LOXL1: variants seen among roughly 807,000 people sequenced by gnomAD.
The protein encoded by LOXL1 is lysyl oxidase homolog 1.
In LOXL1, 31 loss-of-function variants were observed where a neutral mutation model predicts 62.2. The ratio of observed to expected loss-of-function variants is 0.50; its 90% CI spans 0.37 to 0.67. The LOEUF (loss-of-function observed/expected upper bound fraction) is 0.67. Ranked by LOEUF, LOXL1 falls within the 30% of genes least tolerant of loss-of-function variation. The pLI, the probability that LOXL1 is intolerant of heterozygous loss-of-function variation, is 0.00. For missense variants in LOXL1, 775 were observed against 843.4 expected (o/e 0.92, Z 1.00); for synonymous variants, 403 against 384.4 (o/e 1.05, Z -0.56).
At position 73,928,869 on chromosome 15, in the gene LOXL1, G is replaced by GA. The variant is rs5813730; in HGVS notation, c.1102+999dup. ...ACCCCCTAAAATTTTGCACCCCGAG[G>GA]AAAAAAAAAAAAAAACACCTCACTG... On this transcript the variant is annotated intron_variant, in intron 1 of 6. Transcript: ENST00000261921. 1.7e-3 allele frequency among the ~76,000 whole-genome samples: 228 copies of GA among 137,462 alleles called. 1 individual carries two copies. The highest frequency in any genetic ancestry group is 0.012 in the Middle Eastern group (3 of 260). 90.2% of individuals were successfully genotyped at this position (137,462 alleles called of 152,430 possible). A position where few individuals can be genotyped will look rare whatever the true frequency, so the allele number is the denominator to read the frequency against.
At chr15:73,929,811 A>T (rs2141621512) in intron 1 of LOXL1, among the ~76,000 whole-genome samples, 1 of 152,344 alleles carries the variant, frequency 6.6e-6, no homozygotes, top group African/African-American at 2.4e-5. Flanking sequence ...GCTCAGCCTG[A>T]TGGGCCCCAC....
rs966349644 is a variant in LOXL1, at chr15:73,946,474, C to T, written c.1269C>T (p.Pro423=). 4.3e-6 allele frequency: 7 copies of T among 1,612,854 alleles called. No homozygotes were observed. The highest frequency in any genetic ancestry group is 1.3e-5 in the African/African-American group (1 of 74,890). ...DYDVRVLLRF[P]QRVKNQGTAD... The stretch of plus-strand genomic sequence containing the variant: ...ATGTGCGGGTGCTACTGCGCTTCCC[C>T]CAGCGCGTGAAGAACCAGGGCACAG... The change falls in exon 3 of 7, where the codon CCC becomes CCT. Residue 423 remains proline (P), a synonymous_variant. Transcript: ENST00000261921.
rs2068585809 is a variant in LOXL1 at position 73,927,089 on chromosome 15, G to A, written c.306G>A (p.Leu102=). The change falls in exon 1 of 7, where the codon CTG becomes CTA. Residue 102 remains leucine (L), a synonymous_variant. Transcript: ENST00000261921. The part of the protein sequence containing the change: ...PRRRQAPSLP[L]PGRVGSDTVR... ...GTCGGCAGGCGCCGTCCCTGCCCCT[G>A]CCGGGGCGCGTGGGCTCGGACACCG... The A allele has an allele frequency of 2.3e-6, 3 of 1,301,990 alleles. No homozygotes were observed. The highest frequency in any genetic ancestry group is 2.5e-5 in the South Asian group (1 of 39,418). 80.7% of individuals were successfully genotyped at this position (1,301,990 alleles called of 1,614,324 possible).
At chr15:73,933,866 C>T (rs913556336) in intron 1 of LOXL1, among the ~76,000 whole-genome samples, 15 of 152,384 alleles carry the variant, frequency 9.8e-5, no homozygotes, top group Non-Finnish European at 1.5e-4. Context: ...ACTTGCCCCT[C>T]CCCTGGCCCT....
At position 73,926,846 on chromosome 15, in the gene LOXL1, G is replaced by A; in HGVS notation, c.63G>A (p.Val21=). ...GALVWGACLC[V]LVHGQQAQPG... ...TGGTGTGGGGCGCCTGCCTGTGCGT[G>A]CTGGTGCACGGGCAGCAGGCGCAGC... The change falls in exon 1 of 7, where the codon GTG becomes GTA. Residue 21 remains valine, a synonymous_variant. Transcript: ENST00000261921. The A allele has an allele frequency of 6.5e-7, 1 of 1,542,494 alleles. No homozygotes were observed. Among genetic ancestry groups the A allele is most frequent in the South Asian group, 1.2e-5 (1 of 83,278 alleles).
In LOXL1 at chr15:73,926,918, G is replaced by C; in HGVS notation, c.135G>C (p.Trp45Cys). 3 of 1,570,750 alleles carry C rather than the reference G, an allele frequency of 1.9e-6. No homozygotes were observed. Among genetic ancestry groups the C allele is most frequent in the Non-Finnish European group, 2.6e-6 (3 of 1,159,202 alleles). ...DPARWRQLIQ[W>C]ENNGQVYSLL... ...CCCGCTGGCGGCAGCTGATCCAGTG[G>C]GAGAACAACGGGCAGGTGTACAGCT... Residue 45 changes from tryptophan (W) to cysteine (C), a missense_variant, in exon 1 of 7, where the codon TGG becomes TGC. Trp to Cys is a radical substitution (Grantham distance 215). Coordinates refer to ENST00000261921, the MANE Select transcript of LOXL1 (RefSeq NM_005576.4).
In LOXL1 at chr15:73,945,784, G is replaced by C. The variant is rs2068743313; in HGVS notation, c.1212-633G>C. Among the ~76,000 whole-genome samples the C allele has an allele frequency of 6.6e-6, 1 of 151,852 alleles. No homozygotes were observed. Among genetic ancestry groups the C allele is most frequent in the Non-Finnish European group, 1.5e-5 (1 of 67,982 alleles). On this transcript the variant is annotated intron_variant, in intron 2 of 6. Coordinates refer to ENST00000261921, the MANE Select transcript of LOXL1 (RefSeq NM_005576.4). This position sits in a 1 kb window ranked among gnomAD's most constrained non-coding sequence, Gnocchi z 4.3. ...ACTGGAGTGCAGCAGCACAATTATAGCTCATTGCAGCCTCAAATTCCTGGG... is the reference window on the plus strand; with the variant it reads ...ACTGGAGTGCAGCAGCACAATTATACCTCATTGCAGCCTCAAATTCCTGGG...
Position 73,935,562 on chromosome 15 carries a change from G to A in LOXL1, c.1103-7292G>A, listed in dbSNP as rs1257845792. On this transcript the variant is annotated intron_variant, in intron 1 of 6. Transcript: ENST00000261921. ...GGGAAGCTTCTAGAGGTGGGGTAGGGGGCACCAGGCAGGGCCTGCAAGGGC... is the reference window on the plus strand; with the variant it reads ...GGGAAGCTTCTAGAGGTGGGGTAGGAGGCACCAGGCAGGGCCTGCAAGGGC... Among the ~76,000 whole-genome samples, 4 of 152,184 alleles carry A rather than the reference G, an allele frequency of 2.6e-5. No homozygotes were observed. The East Asian group carries it at 7.7e-4, about 29-fold the overall frequency.
chr15:73,948,371 T>C (rs1244149760), intron 5 of LOXL1, among the ~76,000 whole-genome samples: 1 of 152,128 alleles, frequency 6.6e-6, no homozygotes, highest in Non-Finnish European at 1.5e-5. Context: ...GGACACTCAC[T>C]CCATCACCTC....
At chr15:73,928,869 GA>G (rs5813730) in intron 1 of LOXL1, among the ~76,000 whole-genome samples, 49,262 of 137,386 alleles carry the variant, frequency 0.36, 8,425 homozygotes, top group East Asian at 0.56. Context: ...GCACCCCGAG[GA>G]AAAAAAAAAA....
chr15:73,927,403 C>A lies in LOXL1; in HGVS notation c.620C>A (p.Pro207His). The change falls in exon 1 of 7, where the codon CCC becomes CAC. Residue 207 changes from proline (P) to histidine (H), a missense_variant. By Grantham distance (77) the Pro-to-His change is moderately conservative. Transcript: ENST00000261921. ...GACCAGGGTTTCGTGTACTACCGGC[C>A]CGCGGGCGGCGGCGTGGGCGCGGGG... The part of the protein sequence containing the change: ...TYDQGFVYYR[P>H]AGGGVGAGAA... The A allele has an allele frequency of 6.5e-7, 1 of 1,548,876 alleles. No individual in the cohort carries two copies. The highest frequency in any genetic ancestry group is 8.7e-7 in the Non-Finnish European group (1 of 1,149,512).
At chr15:73,935,496 A>G (rs2068664302) in intron 1 of LOXL1, among the ~76,000 whole-genome samples, 1 of 151,940 alleles carries the variant, frequency 6.6e-6, no homozygotes, top group African/African-American at 2.4e-5. Flanking sequence ...GCAGGGCCTG[A>G]GAGGGCAAGG....
chr15:73,933,019 T>C (rs895983038), intron 1 of LOXL1, among the ~76,000 whole-genome samples: 10 of 152,200 alleles, frequency 6.6e-5, no homozygotes, highest in Non-Finnish European at 2.9e-5. Context: ...TCCTCTCTTA[T>C]CAGCCACTTG....
intron 1 of LOXL1, among the ~76,000 whole-genome samples, chr15:73,939,030 T>A (rs2068695541): frequency 6.6e-6 from 1 of 152,170 alleles, no homozygotes; most frequent in African/African-American, 2.4e-5. Flanking sequence ...TTGGCCACTC[T>A]GCTTGGAGGG....
intron 1 of LOXL1, among the ~76,000 whole-genome samples, chr15:73,934,430 G>A (rs2068656097): frequency 6.6e-6 from 1 of 152,172 alleles, no homozygotes; most frequent in Admixed American, 6.5e-5. Flanking sequence ...GGTGGAGAGT[G>A]GCCCAAGTCC....
intron 6 of LOXL1, 47 bp from the exon 7 acceptor site, chr15:73,951,784 G>GA (rs1567091292): frequency 4.0e-6 from 6 of 1,503,358 alleles, no homozygotes; most frequent in Admixed American, 2.1e-5. Context: ...AGGCCACGGG[G>GA]GCCTACTTTG....
At chr15:73,940,193 T>C (rs758238848) in intron 1 of LOXL1, among the ~76,000 whole-genome samples, 2 of 152,134 alleles carry the variant, frequency 1.3e-5, no homozygotes, top group Non-Finnish European at 2.9e-5. Flanking sequence ...TGAGATATCA[T>C]TGCAATCAGG....
chr15:73,943,346 G>T (rs993365881), intron 2 of LOXL1, among the ~76,000 whole-genome samples: 4 of 152,196 alleles, frequency 2.6e-5, no homozygotes, highest in African/African-American at 9.7e-5. Flanking sequence ...GGGAGCCCAG[G>T]CTTCCAGTGG....
intron 1 of LOXL1, among the ~76,000 whole-genome samples, chr15:73,938,319 G>GTAGA (rs1254444504): frequency 2.2e-5 from 2 of 91,014 alleles, no homozygotes; most frequent in Admixed American, 1.0e-4. Context: ...ATCTATCTAG[G>GTAGA]TAGATAGATA....
Sources: gnomAD v4.1 joint callset for allele counts (sites outside exome capture counted in the v4.1 genomes callset) on GRCh38, gnomAD v4.1.1 for gene constraint, Gnocchi (gnomAD v3.1) non-coding constraint, MANE v1.5 for transcripts, NCBI Gene and HGNC (gene_info 2026-07-23, HGNC 2026-07-21) for gene names.